TDRD1: variants seen among roughly 807,000 people sequenced by gnomAD.
The protein encoded by TDRD1 is tudor domain-containing protein 1.
In TDRD1, 37 loss-of-function variants were observed where a neutral mutation model predicts 140.6. The ratio of observed to expected loss-of-function variants is 0.26; its 90% CI spans 0.20 to 0.35. The LOEUF (loss-of-function observed/expected upper bound fraction) is 0.35. Among genes scored for constraint, TDRD1 ranks in the 10% least tolerant of loss-of-function variants. The pLI is 1.00. For synonymous variants in TDRD1, 506 were observed against 475.7 expected (o/e 1.06, Z -0.83); for missense variants, 1,243 against 1,393.0 (o/e 0.89, Z 1.71).
intron 25 of TDRD1, among the ~76,000 whole-genome samples, chr10:114,231,149 A>G (rs1030472165): frequency 6.6e-6 from 1 of 152,258 alleles, no homozygotes; most frequent in South Asian, 2.1e-4. Flanking sequence ...TAAAATTGCT[A>G]AAACAGAAGT....
intron 1 of TDRD1, among the ~76,000 whole-genome samples, chr10:114,184,347 A>G (rs903979756): frequency 1.3e-5 from 2 of 152,212 alleles, no homozygotes; most frequent in Non-Finnish European, 2.9e-5. Context: ...GGCAAACCAG[A>G]GCTGGAGTGA....
chr10:114,214,423 A>T (rs2035679026), intron 16 of TDRD1, among the ~76,000 whole-genome samples: 1 of 152,120 alleles, frequency 6.6e-6, no homozygotes. Flanking sequence ...ACACTTTGGG[A>T]GGCTGAGGCA....
chr10:114,206,576 G>T (rs1275503492), intron 11 of TDRD1, among the ~76,000 whole-genome samples: 3 of 148,600 alleles, frequency 2.0e-5, no homozygotes, highest in Non-Finnish European at 3.0e-5. Flanking sequence ...AGATTATGAA[G>T]TATTAAATAT....
exon 9 of TDRD1, chr10:114,204,143 A>G: frequency 2.5e-6 from 4 of 1,602,558 alleles, no homozygotes; most frequent in Non-Finnish European, 3.4e-6. Flanking sequence ...TATATTGATT[A>G]TGGAAATGAA....
chr10:114,198,355 G>C (rs541322238), intron 3 of TDRD1, among the ~76,000 whole-genome samples: 110 of 152,270 alleles, frequency 7.2e-4, no homozygotes, highest in Middle Eastern at 6.8e-3. Flanking sequence ...GGAAATCCGG[G>C]TTCCCCATGT....
intron 25 of TDRD1, among the ~76,000 whole-genome samples, chr10:114,229,814 TA>T (rs771844488): frequency 5.0e-4 from 70 of 138,794 alleles, no homozygotes; most frequent in Middle Eastern, 3.7e-3. Flanking sequence ...TATATATATA[TA>T]TATTTTTTTT....
At chr10:114,228,142 C>A (rs766861848) in intron 25 of TDRD1, 2 of 1,558,136 alleles carry the variant, frequency 1.3e-6, no homozygotes, top group South Asian at 1.2e-5. Context: ...TAAGTTAAAT[C>A]GTATGTTTTC....
At chr10:114,194,674 A>G (rs2034211875) in intron 3 of TDRD1, among the ~76,000 whole-genome samples, 2 of 134,904 alleles carry the variant, frequency 1.5e-5, no homozygotes, top group South Asian at 4.7e-4. Flanking sequence ...TTTTATCTTT[A>G]TTATCTCTTC....
chr10:114,195,624 T>A (rs898700844), intron 3 of TDRD1, among the ~76,000 whole-genome samples: 3 of 152,258 alleles, frequency 2.0e-5, no homozygotes, highest in African/African-American at 4.8e-5. Flanking sequence ...CTCATATTTT[T>A]CTTAACATTT....
chr10:114,188,424 T>C (rs1346799687), intron 2 of TDRD1, among the ~76,000 whole-genome samples: 1 of 152,234 alleles, frequency 6.6e-6, no homozygotes, highest in Non-Finnish European at 1.5e-5. Context: ...GGAAACACTC[T>C]GGCTTTTTTA....
rs183261575 is a variant in TDRD1 at position 114,205,724 on chromosome 10, C to G, written c.1298-520C>G. ...GTTACCAGAGGCCGGGAAGGGTAGT[C>G]AGGGGCTGGGAGTAGGTGGGGATGG... On this transcript the variant is annotated intron_variant, in intron 10 of 25. Coordinates refer to ENST00000251864, the Ensembl canonical transcript of TDRD1. 2.7e-4 allele frequency among the ~76,000 whole-genome samples: 41 copies of G among 152,128 alleles called. No individual in the cohort carries two copies. The East Asian group carries it at 5.8e-3, about 21-fold the overall frequency.
exon 2 of TDRD1, chr10:114,188,030 T>G (rs1364907633): frequency 1.9e-6 from 3 of 1,614,020 alleles, no homozygotes; most frequent in Admixed American, 3.3e-5. Context: ...AAAGAACAAT[T>G]TTTTGCTTTG....
intron 3 of TDRD1, among the ~76,000 whole-genome samples, chr10:114,191,687 G>A (rs970268143): frequency 6.6e-6 from 1 of 152,136 alleles, no homozygotes; most frequent in Non-Finnish European, 1.5e-5. Flanking sequence ...ATCCATTTAT[G>A]TACAGAATTT....
At chr10:114,199,083 C>T (rs1410312021) in intron 3 of TDRD1, 90 bp from the exon 4 acceptor site, 17 of 1,398,530 alleles carry the variant, frequency 1.2e-5, no homozygotes, top group Non-Finnish European at 1.6e-5. Flanking sequence ...AGTACATCTA[C>T]TTGATCTTAT....
rs116335012 is a variant in TDRD1 at position 114,218,072 on chromosome 10, C to T, written c.2324-342C>T. Among the ~76,000 whole-genome samples the T allele has an allele frequency of 5.3e-3, 803 of 152,170 alleles. 8 individuals carry two copies. The highest frequency in any genetic ancestry group is 0.018 in the African/African-American group (751 of 41,514). ...ACATAACAAGTAAAATAATCTGAGC[C>T]ATTAGTACCAAGAGTATTATACATC... On this transcript the variant is annotated intron_variant, in intron 17 of 25. Coordinates refer to ENST00000251864, the Ensembl canonical transcript of TDRD1.
chr10:114,193,395 C>T (rs1338291917), intron 3 of TDRD1, among the ~76,000 whole-genome samples: 2 of 149,098 alleles, frequency 1.3e-5, no homozygotes, highest in Admixed American at 6.8e-5. Flanking sequence ...CTGGTTCAAG[C>T]GATTCTCCTG....
chr10:114,180,548 C>T (rs1041241559), intron 1 of TDRD1, among the ~76,000 whole-genome samples: 1 of 152,166 alleles, frequency 6.6e-6, no homozygotes, highest in Non-Finnish European at 1.5e-5. Context: ...TCACTGCAAC[C>T]TCCGCCTCCC....
intron 1 of TDRD1, 76 bp from the exon 2 acceptor site, chr10:114,187,750 A>G: frequency 8.0e-7 from 1 of 1,246,072 alleles, no homozygotes; most frequent in Non-Finnish European, 1.1e-6. Context: ...TATATTTGGG[A>G]GAATTCCTCT....
chr10:114,222,573 T>C lies in TDRD1; in HGVS notation c.2891-14T>C. ...GAAATTTTCTTCACAAAAGATTGCT[T>C]TTATATATTTTAGAAAATCAGGAAA... On this transcript the variant is annotated splice_polypyrimidine_tract_variant and intron_variant, in intron 20 of 25. Coordinates refer to ENST00000251864, the Ensembl canonical transcript of TDRD1. 1 of 1,543,260 alleles carries C rather than the reference T, an allele frequency of 6.5e-7. No individual in the cohort carries two copies. Among genetic ancestry groups the C allele is most frequent in the Non-Finnish European group, 8.9e-7 (1 of 1,119,774 alleles).
Sources: allele counts gnomAD v4.1 joint callset (sites outside exome capture counted in the v4.1 genomes callset), GRCh38; gene constraint gnomAD v4.1.1; transcripts MANE v1.5; gene names NCBI Gene and HGNC (gene_info 2026-07-23, HGNC 2026-07-21).